Variants in PTPRC observed in about 807,000 individuals in gnomAD.
PTPRC encodes protein tyrosine phosphatase receptor type C, also known as receptor-type tyrosine-protein phosphatase C.
In PTPRC, 44 loss-of-function variants were observed where a neutral mutation model predicts 155.9. That is an observed-to-expected ratio of 0.28 (90% CI 0.22 to 0.36). The LOEUF is 0.36. Ranked by LOEUF, PTPRC falls within the 10% of genes least tolerant of loss-of-function variation. PTPRC has a pLI of 1.00. For missense variants in PTPRC, 1,401 were observed against 1,564.6 expected (o/e 0.90, Z 1.76); for synonymous variants, 525 against 533.1 (o/e 0.98, Z 0.21).
At position 198,749,415 on chromosome 1, in the gene PTPRC, G is replaced by GATGACT; in HGVS notation, c.2941_2946dup (p.Asp981_Tyr982dup). 1 of 1,607,656 alleles carries GATGACT rather than the reference G, an allele frequency of 6.2e-7. No individual in the cohort carries two copies. Among genetic ancestry groups the GATGACT allele is most frequent in the Non-Finnish European group, 8.5e-7 (1 of 1,175,440 alleles). On this transcript the variant is annotated inframe_insertion and splice_region_variant. Transcript: ENST00000442510. ...ACTTACTACTGATTTATTTCACATA[G>GATGACT]ATGACTATAACAGAGTGCCACTTAA...
chr1:198,692,731 C>T (rs1361443235), intron 3 of PTPRC: 5 of 927,672 alleles, frequency 5.4e-6, no homozygotes, highest in Non-Finnish European at 6.4e-6. Context: ...AGGTTAACAG[C>T]TGTCTATGTA....
chr1:198,730,958 A>G (rs1432376012), intron 17 of PTPRC, among the ~76,000 whole-genome samples: 3 of 152,204 alleles, frequency 2.0e-5, no homozygotes, highest in Non-Finnish European at 4.4e-5. Context: ...ATAATTTTAC[A>G]TATGCGACAG....
chr1:198,700,764 A>G (rs1413928549), intron 5 of PTPRC, among the ~76,000 whole-genome samples: 1 of 152,226 alleles, frequency 6.6e-6, no homozygotes, highest in Non-Finnish European at 1.5e-5. Context: ...GGCTAATTCC[A>G]CTGATGAAAA....
chr1:198,748,829 C>G (rs574710436), intron 27 of PTPRC, among the ~76,000 whole-genome samples: 57 of 151,774 alleles, frequency 3.8e-4, no homozygotes, highest in African/African-American at 1.3e-3. Flanking sequence ...TAAATCAGAT[C>G]AGTGCATGGT....
At chr1:198,661,560 A>T (rs1410434653) in intron 2 of PTPRC, among the ~76,000 whole-genome samples, 1 of 151,940 alleles carries the variant, frequency 6.6e-6, no homozygotes, top group Non-Finnish European at 1.5e-5. Flanking sequence ...TAATGAGAGA[A>T]TGAGAGAGAA....
chr1:198,749,601 C>G (rs1655290165), intron 28 of PTPRC, 52 bp downstream of exon 28: 1 of 1,555,968 alleles, frequency 6.4e-7, no homozygotes, highest in African/African-American at 1.4e-5. Flanking sequence ...AAAATAATAT[C>G]TATGTTATTA....
chr1:198,723,944 TTA>T (rs972050080), intron 15 of PTPRC, among the ~76,000 whole-genome samples: 1 of 152,204 alleles, frequency 6.6e-6, no homozygotes, highest in Non-Finnish European at 1.5e-5. Context: ...GTGTGCTCAG[TTA>T]TGAGCGGGCA....
chr1:198,661,261 G>T (rs1425669854), intron 2 of PTPRC, among the ~76,000 whole-genome samples: 1 of 150,612 alleles, frequency 6.6e-6, no homozygotes, highest in African/African-American at 2.4e-5. Context: ...GTCTATGTGG[G>T]TTATATATAT....
In PTPRC at chr1:198,646,040, T is replaced by C. The variant is rs117609509; in HGVS notation, c.73+6699T>C. The stretch of plus-strand genomic sequence containing the variant: ...TGAACCCGTGATTTGATACCAAGTA[T>C]GTTTTGGCTCAACTTTTATGAAAAC... On this transcript the variant is annotated intron_variant, in intron 2 of 32. Coordinates refer to ENST00000442510, the MANE Select transcript of PTPRC (RefSeq NM_002838.5). Among the ~76,000 whole-genome samples, 23 of 151,950 alleles carry C rather than the reference T, an allele frequency of 1.5e-4. No individual in the cohort carries two copies. In the East Asian group the frequency reaches 4.5e-3, roughly 29 times the overall value.
At chr1:198,744,944 T>C (rs903821555) in intron 26 of PTPRC, among the ~76,000 whole-genome samples, 1 of 151,686 alleles carries the variant, frequency 6.6e-6, no homozygotes, top group African/African-American at 2.4e-5. Flanking sequence ...CATGCAATAA[T>C]GACCAAGTGA....
intron 15 of PTPRC, among the ~76,000 whole-genome samples, chr1:198,722,829 C>T (rs1417910303): frequency 6.6e-6 from 1 of 151,598 alleles, no homozygotes; most frequent in Admixed American, 6.6e-5. Flanking sequence ...GTCTCTTCAG[C>T]ATATGTTTAG....
At chr1:198,719,913 T>A (rs1653801961) in intron 14 of PTPRC, among the ~76,000 whole-genome samples, 1 of 152,170 alleles carries the variant, frequency 6.6e-6, no homozygotes, top group African/African-American at 2.4e-5. Context: ...GCCCGGCCCA[T>A]ATTCTTTATC....
intron 10 of PTPRC, among the ~76,000 whole-genome samples, chr1:198,708,966 G>A (rs141049834): frequency 1.1e-4 from 17 of 152,290 alleles, no homozygotes; most frequent in African/African-American, 1.7e-4. Context: ...GGAGCATTGC[G>A]CTGGGTGTAA....
At chr1:198,696,691 C>T (rs2102384317) in intron 3 of PTPRC, 21 bp from the exon 4 acceptor site, 1 of 1,599,220 alleles carries the variant, frequency 6.3e-7, no homozygotes, top group Non-Finnish European at 8.6e-7. Flanking sequence ...TGTCCTTCTC[C>T]CATTTTCCAT....
At chr1:198,682,419 C>CT (rs920384072) in intron 2 of PTPRC, among the ~76,000 whole-genome samples, 102 of 151,886 alleles carry the variant, frequency 6.7e-4, no homozygotes, top group African/African-American at 1.5e-3. Flanking sequence ...TTATTTTCTG[C>CT]TTTTTTTTAT....
chr1:198,702,476 T>C lies in PTPRC; in HGVS notation c.529T>C (p.Ser177Pro). ...TTTLSLAHHS[S>P]AALPARTSNT... ...CACCCTCAGCCTTGCACACCACAGC[T>C]CTGCTGCCTTACCTGCACGCACCTC... Residue 177 changes from serine to proline, a missense_variant, in exon 6 of 33, where the codon TCT becomes CCT. This residue lies in a region of PTPRC where 867 missense variants were observed against 970.4 expected (regional missense o/e 0.89). Coordinates refer to ENST00000442510, the MANE Select transcript of PTPRC (RefSeq NM_002838.5). The C allele has an allele frequency of 7.4e-6, 12 of 1,614,098 alleles. No homozygotes were observed. The highest frequency in any genetic ancestry group is 1.0e-5 in the Non-Finnish European group (12 of 1,180,020).
chr1:198,665,225 G>A (rs1302365871), intron 2 of PTPRC, among the ~76,000 whole-genome samples: 1 of 151,062 alleles, frequency 6.6e-6, no homozygotes, highest in African/African-American at 2.4e-5. Flanking sequence ...GAGTAGGGGG[G>A]ACTACAGGCG....
At chr1:198,725,308 G>A (rs1654083103) in intron 15 of PTPRC, among the ~76,000 whole-genome samples, 1 of 152,116 alleles carries the variant, frequency 6.6e-6, no homozygotes, top group Non-Finnish European at 1.5e-5. Flanking sequence ...TGGTAGTCTA[G>A]TCATAGTCAC....
rs748349607 is a variant in PTPRC, at chr1:198,732,308, G to C, written c.1983G>C (p.Pro661=). ...ATCGTTGTTTCTTTCAGAGCATCCC[G>C]CGGGTGTTCAGCAAGTTTCCTATAA... ...RLFLAEFQSI[P]RVFSKFPIKE... The change falls in exon 19 of 33, where the codon CCG becomes CCC. Residue 661 remains proline (P), a synonymous_variant. Transcript: ENST00000442510. 4 of 1,611,778 alleles carry C rather than the reference G, an allele frequency of 2.5e-6. No homozygotes were observed. The highest frequency in any genetic ancestry group is 3.4e-6 in the Non-Finnish European group (4 of 1,178,524).
Sources: gnomAD v4.1 joint callset for allele counts (sites outside exome capture counted in the v4.1 genomes callset) on GRCh38, gnomAD v4.1.1 for gene constraint, gnomAD v4.1.1 regional missense constraint, MANE v1.5 for transcripts, NCBI Gene and HGNC (gene_info 2026-07-23, HGNC 2026-07-21) for gene names.